The following ZNF608 variants were observed in gnomAD, a reference collection of about 807,000 sequenced individuals.
ZNF608 encodes zinc finger protein 608, also known as renal carcinoma antigen NY-REN-36.
A neutral mutation model predicts 109.0 loss-of-function variants in ZNF608; 12 were observed. The ratio of observed to expected loss-of-function variants is 0.11; its 90% CI spans 0.07 to 0.18. The LOEUF is 0.18. ZNF608 is among the 10% of genes least tolerant of loss of function. The pLI, the probability that ZNF608 is intolerant of heterozygous loss-of-function variation, is 1.00. For synonymous variants in ZNF608, 732 were observed against 717.4 expected (o/e 1.02, Z -0.33); for missense variants, 1,707 against 1,879.3 (o/e 0.91, Z 1.70).
intron 3 of ZNF608, among the ~76,000 whole-genome samples, chr5:124,685,813 G>A (rs780443305): frequency 6.6e-6 from 1 of 152,130 alleles, no homozygotes; most frequent in Non-Finnish European, 1.5e-5. Flanking sequence ...CCTCTGTGCT[G>A]TTAATTCTCC....
At chr5:124,687,508 G>A (rs1277919583) in intron 3 of ZNF608, among the ~76,000 whole-genome samples, 1 of 152,134 alleles carries the variant, frequency 6.6e-6, no homozygotes, top group East Asian at 1.9e-4. Flanking sequence ...TATAATAAAT[G>A]CTCAATTTAC....
chr5:124,680,025 A>G (rs1035451172), intron 3 of ZNF608, among the ~76,000 whole-genome samples: 9 of 152,172 alleles, frequency 5.9e-5, no homozygotes, highest in Non-Finnish European at 1.2e-4. Flanking sequence ...TCTGGCAAGG[A>G]CCTATAAGGG....
intron 3 of ZNF608, among the ~76,000 whole-genome samples, chr5:124,653,891 A>G (rs1430228735): frequency 6.6e-6 from 1 of 152,162 alleles, no homozygotes; most frequent in Non-Finnish European, 1.5e-5. Flanking sequence ...AGCCAACTGC[A>G]CTGTTGGTGC....
At chr5:124,732,410 G>C (rs1172466989) in intron 2 of ZNF608, among the ~76,000 whole-genome samples, 1 of 152,090 alleles carries the variant, frequency 6.6e-6, no homozygotes, top group African/African-American at 2.4e-5. Flanking sequence ...GATACTTCTA[G>C]AAAATAATGC....
chr5:124,746,189 G>C lies in ZNF608; in HGVS notation c.-184+6C>G, dbSNP rs182445512. On this transcript the variant is annotated splice_donor_region_variant and intron_variant, in intron 1 of 9. Coordinates refer to ENST00000513986, the MANE Select transcript of ZNF608 (RefSeq NM_020747.3). ...ACACACATACACACACACAGACATT[G>C]CTTACCTTTTAATCCTTTATCATTT... The C allele has an allele frequency of 1.0e-6, 1 of 985,330 alleles. No individual in the cohort carries two copies. The highest frequency in any genetic ancestry group is 1.1e-4 in the East Asian group (1 of 8,814). The allele number at this position is 985,330 out of a possible 1,614,324, so 61.0% of individuals were successfully genotyped here. A position where few individuals can be genotyped will look rare whatever the true frequency, so the allele number is the denominator to read the frequency against.
intron 7 of ZNF608, among the ~76,000 whole-genome samples, 195 bp downstream of exon 7, chr5:124,643,316 G>A (rs73296616): frequency 0.017 from 2,542 of 152,012 alleles, 67 homozygotes; most frequent in African/African-American, 0.056. Context: ...ACTGCCATAC[G>A]TGCTTTAACA....
At chr5:124,722,991 G>T (rs1390533569) in intron 2 of ZNF608, among the ~76,000 whole-genome samples, 1 of 151,336 alleles carries the variant, frequency 6.6e-6, no homozygotes, top group Non-Finnish European at 1.5e-5. Context: ...CATAAAAATA[G>T]TTCAACTACC....
In ZNF608 at chr5:124,647,635, C is replaced by T; in HGVS notation, c.2749G>A (p.Ala917Thr). The T allele has an allele frequency of 6.2e-7, 1 of 1,614,214 alleles. No individual in the cohort carries two copies. The highest frequency in any genetic ancestry group is 1.3e-5 in the African/African-American group (1 of 75,052). Reference sequence around the variant, plus strand: ...TTCTGGGTCAACACATGCAGAGGTGCCATTGGTGCCTGCCCGTTCACCAAA... The same window carrying T: ...TTCTGGGTCAACACATGCAGAGGTGTCATTGGTGCCTGCCCGTTCACCAAA... Reference protein sequence around the residue: ...STLVNGQAPMAPLHVLTQNGA... With the variant: ...STLVNGQAPMTPLHVLTQNGA... The change falls in exon 5 of 10, where the codon GCA becomes ACA. Residue 917 changes from alanine to threonine, a missense_variant. Ala to Thr is a moderately conservative substitution (Grantham distance 58). Around this residue, in one of 7 missense-constraint regions of ZNF608, gnomAD observed 1,073 missense variants for 1,133.5 expected, o/e 0.95. Transcript: ENST00000513986.
intron 9 of ZNF608, 29 bp downstream of exon 9, chr5:124,639,104 A>G (rs2149778820): frequency 6.2e-7 from 1 of 1,603,828 alleles, no homozygotes; most frequent in Non-Finnish European, 8.5e-7. Context: ...TTCTATCTAC[A>G]ACTAATTAAA....
chr5:124,686,770 A>G (rs1041905253), intron 3 of ZNF608, among the ~76,000 whole-genome samples: 117 of 152,350 alleles, frequency 7.7e-4, no homozygotes, highest in African/African-American at 2.6e-3. Flanking sequence ...GTCTGTCAAC[A>G]TGGATATGAG....
intron 6 of ZNF608, 134 bp downstream of exon 6, chr5:124,644,110 T>C (rs1750381771): frequency 8.7e-6 from 7 of 807,640 alleles, no homozygotes; most frequent in South Asian, 4.8e-5. Context: ...GTTTTATCTT[T>C]GGGACTTTAA....
At chr5:124,739,996 C>A (rs1019620194) in intron 2 of ZNF608, among the ~76,000 whole-genome samples, 2 of 152,210 alleles carry the variant, frequency 1.3e-5, no homozygotes, top group African/African-American at 4.8e-5. Context: ...TGCAGCCAAG[C>A]AATTTCACTT....
intron 2 of ZNF608, chr5:124,735,043 G>A (rs980983817): frequency 9.2e-5 from 14 of 152,116 alleles, no homozygotes; most frequent in African/African-American, 3.1e-4. Context: ...CGGCTTTCGG[G>A]AAAAAATGCA....
At position 124,744,443 on chromosome 5, in the gene ZNF608, A is replaced by G. The variant is rs1027092310; in HGVS notation, c.547T>C (p.Ser183Pro). The change falls in exon 2 of 10, where the codon TCC (serine) becomes CCC (proline). Residue 183 changes from serine (S) to proline (P), a missense_variant. Coordinates refer to ENST00000513986, the MANE Select transcript of ZNF608 (RefSeq NM_020747.3). The surrounding 1 kb of genome is among the most constrained non-coding windows in gnomAD (Gnocchi z 4.5). ...STSAATAGAG[S>P]CGKSKEEKPG... is the part of the protein sequence containing the mutation. ...TTCTCCTCTTTGCTTTTCCCACAGG[A>G]GCCTGCCCCCGCGGTGGCGGCAGAG... 9 of 1,614,166 alleles carry G rather than the reference A, an allele frequency of 5.6e-6. No homozygotes were observed. The highest frequency in any genetic ancestry group is 7.6e-6 in the Non-Finnish European group (9 of 1,180,034).
rs1182383879 is a variant in ZNF608 at position 124,727,733 on chromosome 5, CTTT to C, written c.906+16348_906+16350del. On this transcript the variant is annotated intron_variant, in intron 2 of 9. Coordinates refer to ENST00000513986, the MANE Select transcript of ZNF608 (RefSeq NM_020747.3). ...TATCTTGTTGCCAGCTCCAGGTATC[CTTT>C]TTTTTTTTTTTTTTTTTTTTAAGAC... Among the ~76,000 whole-genome samples, 153 of 77,882 alleles carry C rather than the reference CTTT, an allele frequency of 2.0e-3. 2 individuals carry two copies. The highest frequency in any genetic ancestry group is 9.1e-3 in the African/African-American group (143 of 15,650). 51.1% of individuals were successfully genotyped at this position (77,882 alleles called of 152,430 possible). A position where few individuals can be genotyped will look rare whatever the true frequency, so the allele number is the denominator to read the frequency against.
At chr5:124,661,406 G>A (rs2149803541) in intron 3 of ZNF608, among the ~76,000 whole-genome samples, 1 of 150,918 alleles carries the variant, frequency 6.6e-6, no homozygotes, top group South Asian at 2.1e-4. Flanking sequence ...GGACCCACCA[G>A]TTTTCTTGAC....
chr5:124,683,477 A>T (rs1162248054), intron 3 of ZNF608, among the ~76,000 whole-genome samples: 1 of 152,192 alleles, frequency 6.6e-6, no homozygotes, highest in Non-Finnish European at 1.5e-5. Flanking sequence ...ACCTTCCATA[A>T]TAAAAAGTTA....
At chr5:124,686,109 G>C (rs1261389144) in intron 3 of ZNF608, among the ~76,000 whole-genome samples, 6 of 152,144 alleles carry the variant, frequency 3.9e-5, no homozygotes, top group Non-Finnish European at 8.8e-5. Context: ...ATACTTCAGG[G>C]ATTCTCTAGT....
chr5:124,727,741 T>A (rs1166488619), intron 2 of ZNF608, among the ~76,000 whole-genome samples: 1 of 146,864 alleles, frequency 6.8e-6, no homozygotes, highest in East Asian at 1.9e-4. Flanking sequence ...TCCTTTTTTT[T>A]TTTTTTTTTT....
Sources: gnomAD v4.1 joint callset for allele counts (sites outside exome capture counted in the v4.1 genomes callset) on GRCh38, gnomAD v4.1.1 for gene constraint, gnomAD v4.1.1 regional missense constraint, Gnocchi (gnomAD v3.1) non-coding constraint, MANE v1.5 for transcripts, NCBI Gene and HGNC (gene_info 2026-07-23, HGNC 2026-07-21) for gene names.